Variants in RGS6 observed in about 807,000 individuals in gnomAD.
The protein encoded by RGS6 is regulator of G protein signaling 6.
RGS6 carries 30 observed loss-of-function variants against 78.5 expected under a neutral mutation model. The ratio of observed to expected loss-of-function variants is 0.38; its 90% CI spans 0.29 to 0.52. The LOEUF (loss-of-function observed/expected upper bound fraction) is 0.52. RGS6 is among the 20% of genes least tolerant of loss of function. The probability of loss-of-function intolerance (pLI) is 0.85; values close to 1 mark genes in which losing one functional copy is unlikely to be tolerated. For missense variants in RGS6, 495 were observed against 609.7 expected, an observed-to-expected ratio of 0.81 and a Z score of 1.98; for synonymous variants, 206 against 206.0, an observed-to-expected ratio of 1.00 and a Z score of 0.00.
At chr14:72,076,405 T>C (rs2094575705) in intron 2 of RGS6, among the ~76,000 whole-genome samples, 1 of 152,206 alleles carries the variant, frequency 6.6e-6, no homozygotes, top group Admixed American at 6.5e-5. Context: ...AACTGTTTGG[T>C]ATTTCTTTTC....
intron 2 of RGS6, among the ~76,000 whole-genome samples, chr14:72,258,634 G>A (rs1164127829): frequency 6.6e-6 from 1 of 152,148 alleles, no homozygotes. Context: ...GGGTCTTCAC[G>A]CTTCTTGATT....
intron 2 of RGS6, among the ~76,000 whole-genome samples, chr14:72,105,181 C>T (rs1225486259): frequency 1.3e-5 from 2 of 152,212 alleles, no homozygotes; most frequent in South Asian, 2.1e-4. Context: ...CCTCCCTGGA[C>T]ATTCCAGATG....
intron 2 of RGS6, among the ~76,000 whole-genome samples, chr14:72,242,211 A>G (rs1424120656): frequency 2.0e-5 from 3 of 152,182 alleles, no homozygotes; most frequent in African/African-American, 7.2e-5. Context: ...TACCAACTTA[A>G]CAAAGGTGAA....
the RGS6 span, among the ~76,000 whole-genome samples, chr14:71,927,152 A>G: frequency 6.6e-6 from 1 of 152,194 alleles, no homozygotes; most frequent in African/African-American, 2.4e-5. Context: ...ACAGCAGCCC[A>G]TGGTTATTTG....
chr14:72,556,572 C>T (rs1364363391), intron 17 of RGS6, among the ~76,000 whole-genome samples: 3 of 151,850 alleles, frequency 2.0e-5, no homozygotes, highest in East Asian at 1.9e-4. Flanking sequence ...TTTCAGAAGA[C>T]GTGACTGCTG....
chr14:72,466,347 A>G (rs2095911031), intron 7 of RGS6, among the ~76,000 whole-genome samples: 1 of 152,212 alleles, frequency 6.6e-6, no homozygotes, highest in Admixed American at 6.5e-5. Context: ...AGTTAAACAT[A>G]CACTTACCAT....
chr14:72,437,976 A>T (rs1597501863), intron 3 of RGS6, among the ~76,000 whole-genome samples: 1 of 152,350 alleles, frequency 6.6e-6, no homozygotes, highest in East Asian at 1.9e-4. Flanking sequence ...TGTCTATCTG[A>T]CTTGGTCATA....
chr14:72,010,180 ACTT>A (rs919627919), intron 2 of RGS6, among the ~76,000 whole-genome samples: 1 of 152,156 alleles, frequency 6.6e-6, no homozygotes, highest in African/African-American at 2.4e-5. Context: ...TGAAATAAAA[ACTT>A]CTTCCTGCTG....
chr14:72,159,313 G>T (rs917204614), intron 2 of RGS6, among the ~76,000 whole-genome samples: 3 of 152,154 alleles, frequency 2.0e-5, no homozygotes, highest in African/African-American at 7.2e-5. Flanking sequence ...CAGGAAGGAG[G>T]GCCAGAGTGT....
At chr14:72,256,930 C>T (rs1327979187) in intron 2 of RGS6, among the ~76,000 whole-genome samples, 1 of 152,184 alleles carries the variant, frequency 6.6e-6, no homozygotes, top group Non-Finnish European at 1.5e-5. Flanking sequence ...GCTAGGCCTG[C>T]AGTAATCCTC....
the RGS6 span, among the ~76,000 whole-genome samples, chr14:71,890,278 C>T: frequency 6.6e-6 from 1 of 151,626 alleles, no homozygotes; most frequent in Admixed American, 6.6e-5. Context: ...GAGAGGTCCA[C>T]CTGAAGAATG....
At chr14:72,430,880 G>T (rs1279749540) in intron 3 of RGS6, among the ~76,000 whole-genome samples, 1 of 152,132 alleles carries the variant, frequency 6.6e-6, no homozygotes, top group Non-Finnish European at 1.5e-5. Flanking sequence ...TCTGTGGTCT[G>T]CAGGGCCCAG....
chr14:72,191,306 C>T (rs1437310875), intron 2 of RGS6, among the ~76,000 whole-genome samples: 1 of 149,514 alleles, frequency 6.7e-6, no homozygotes, highest in Non-Finnish European at 1.5e-5. Flanking sequence ...GAGGTTTCAA[C>T]TCACACCATG....
At chr14:72,461,029 A>T (rs1184613129) in intron 6 of RGS6, among the ~76,000 whole-genome samples, 1 of 152,094 alleles carries the variant, frequency 6.6e-6, no homozygotes, top group Non-Finnish European at 1.5e-5. Context: ...CACAGGCACC[A>T]CTGTGGGCCC....
At chr14:71,903,082 C>T in the RGS6 span, among the ~76,000 whole-genome samples, 841 of 152,276 alleles carry the variant, frequency 5.5e-3, 8 homozygotes, top group African/African-American at 0.02. Flanking sequence ...TTAAGCCCAA[C>T]ATTGTGTTGA....
chr14:72,304,048 G>T (rs189778827), intron 2 of RGS6, among the ~76,000 whole-genome samples: 1 of 152,094 alleles, frequency 6.6e-6, no homozygotes, highest in Non-Finnish European at 1.5e-5. Flanking sequence ...TTCACCTCCC[G>T]GCCAGCCCAT....
chr14:72,525,468 T>TA (rs1281429125), intron 15 of RGS6, among the ~76,000 whole-genome samples: 1 of 152,098 alleles, frequency 6.6e-6, no homozygotes, highest in African/African-American at 2.4e-5. Context: ...GTCTGCGTGA[T>TA]AAAAGAGCTG....
At chr14:72,237,510 G>C (rs186466324) in intron 2 of RGS6, among the ~76,000 whole-genome samples, 1 of 152,078 alleles carries the variant, frequency 6.6e-6, no homozygotes, top group Non-Finnish European at 1.5e-5. Flanking sequence ...GATGAGCTTC[G>C]TAACTACCTG....
At chr14:72,387,073 A>G (rs2088327999) in intron 3 of RGS6, among the ~76,000 whole-genome samples, 1 of 152,120 alleles carries the variant, frequency 6.6e-6, no homozygotes, top group Non-Finnish European at 1.5e-5. Context: ...CAATACCTTT[A>G]TGCTTATGTC....
Sources: gnomAD v4.1 joint callset for allele counts (sites outside exome capture counted in the v4.1 genomes callset) on GRCh38, gnomAD v4.1.1 for gene constraint, MANE v1.5 for transcripts, NCBI Gene and HGNC (gene_info 2026-07-23, HGNC 2026-07-21) for gene names.